The following UVRAG variants were observed in gnomAD, a reference collection of about 807,000 sequenced individuals.
UVRAG encodes the protein UV radiation resistance associated, also known as UV radiation resistance-associated gene protein.
UVRAG carries 19 observed loss-of-function variants against 78.0 expected under a neutral mutation model. The observed-to-expected ratio is 0.24, with a 90% confidence interval of 0.17 to 0.36. The LOEUF is 0.36. Among genes scored for constraint, UVRAG ranks in the 10% least tolerant of loss-of-function variants. The pLI, the probability that UVRAG is intolerant of heterozygous loss-of-function variation, is 1.00. For missense variants in UVRAG, 740 were observed against 853.8 expected (o/e 0.87, Z 1.66); for synonymous variants, 323 against 324.6 (o/e 1.00, Z 0.05).
intron 13 of UVRAG, among the ~76,000 whole-genome samples, chr11:76,067,412 A>G (rs747234897): frequency 6.6e-5 from 10 of 152,192 alleles, no homozygotes; most frequent in Non-Finnish European, 1.3e-4. Context: ...CGCTGATCAC[A>G]GTTCTGTCAT....
intron 8 of UVRAG, among the ~76,000 whole-genome samples, chr11:75,996,827 A>G (rs1949716617): frequency 6.6e-6 from 1 of 152,168 alleles, no homozygotes; most frequent in African/African-American, 2.4e-5. Flanking sequence ...GGCTTTCTAA[A>G]TACAGTTCAC....
chr11:75,956,694 A>AT (rs1293681205), intron 6 of UVRAG, among the ~76,000 whole-genome samples: 2 of 152,050 alleles, frequency 1.3e-5, no homozygotes, highest in Admixed American at 6.6e-5. Context: ...AGCCTGATAT[A>AT]TTTTTGCCAG....
At chr11:75,862,563 A>G (rs182109004) in intron 3 of UVRAG, among the ~76,000 whole-genome samples, 1 of 152,250 alleles carries the variant, frequency 6.6e-6, no homozygotes, top group Admixed American at 6.5e-5. Flanking sequence ...CAGTGCTTCA[A>G]ACACACAAAG....
chr11:76,107,548 A>G (rs551353292), intron 13 of UVRAG, among the ~76,000 whole-genome samples: 1 of 152,348 alleles, frequency 6.6e-6, no homozygotes, highest in Admixed American at 6.5e-5. Context: ...ACATTATAAC[A>G]TATCTATTTT....
At chr11:75,877,603 G>T (rs1209364734) in intron 3 of UVRAG, among the ~76,000 whole-genome samples, 5 of 140,280 alleles carry the variant, frequency 3.6e-5, no homozygotes, top group South Asian at 4.6e-4. Flanking sequence ...CTGGCCGGGC[G>T]GGGGGCTGAC....
At chr11:76,006,458 G>T (rs1410470762) in intron 9 of UVRAG, among the ~76,000 whole-genome samples, 1 of 151,838 alleles carries the variant, frequency 6.6e-6, no homozygotes, top group Non-Finnish European at 1.5e-5. Flanking sequence ...CTATGAGTTT[G>T]AGACCAGCCT....
At chr11:76,087,926 G>A (rs897064485) in intron 13 of UVRAG, among the ~76,000 whole-genome samples, 1 of 152,154 alleles carries the variant, frequency 6.6e-6, no homozygotes, top group Admixed American at 6.5e-5. Flanking sequence ...TCAGACTGGA[G>A]CGCAGTGGTG....
chr11:75,930,980 T>TTTCC (rs2135104936), intron 6 of UVRAG: 1 of 149,330 alleles, frequency 6.7e-6, no homozygotes, highest in South Asian at 2.1e-4. Context: ...TCTTTCTTTC[T>TTTCC]TTCTTTCCAT....
chr11:76,105,233 T>C (rs529342092), intron 13 of UVRAG, among the ~76,000 whole-genome samples: 19 of 152,130 alleles, frequency 1.2e-4, no homozygotes, highest in African/African-American at 4.6e-4. Context: ...GCCAAACCCC[T>C]GTTTCTACTA....
chr11:75,816,869 CT>C (rs1945272637), intron 1 of UVRAG, among the ~76,000 whole-genome samples: 1 of 152,054 alleles, frequency 6.6e-6, no homozygotes, highest in Non-Finnish European at 1.5e-5. Flanking sequence ...GAGGCGGGGG[CT>C]AAAGGGAAGA....
At chr11:76,025,304 A>G (rs1950308641) in intron 12 of UVRAG, among the ~76,000 whole-genome samples, 1 of 152,188 alleles carries the variant, frequency 6.6e-6, no homozygotes, top group Non-Finnish European at 1.5e-5. Flanking sequence ...AATGAAATTC[A>G]TTAGTCATTG....
chr11:75,847,428 A>G (rs74894660), intron 1 of UVRAG, among the ~76,000 whole-genome samples: 11,422 of 151,480 alleles, frequency 0.075, 1,402 homozygotes, highest in African/African-American at 0.26. Context: ...TGCCCAGCCC[A>G]GCTAATTTAT....
At position 76,141,142 on chromosome 11, in the gene UVRAG, G is replaced by A. The variant is rs746814936; in HGVS notation, c.1829G>A (p.Ser610Asn). ...CCCAGCGAGCAGGCCGGGTCCGCCA[G>A]TGTCCAGCTTCCAGGCGAGTTCCAC... Reference protein sequence around the residue: ...LLPSEQAGSASVQLPGEFHPV... With the variant: ...LLPSEQAGSANVQLPGEFHPV... Residue 610 changes from serine (S) to asparagine (N), a missense_variant, in exon 15 of 15, where the codon AGT becomes AAT. By Grantham distance (46) the Ser-to-Asn change is conservative. Coordinates refer to ENST00000356136, the MANE Select transcript of UVRAG (RefSeq NM_003369.4). The A allele has an allele frequency of 6.2e-7, 1 of 1,614,072 alleles. No homozygotes were observed. The highest frequency in any genetic ancestry group is 1.3e-5 in the African/African-American group (1 of 74,934).
At chr11:76,094,211 C>G in intron 13 of UVRAG, among the ~76,000 whole-genome samples, 1 of 152,188 alleles carries the variant, frequency 6.6e-6, no homozygotes, top group African/African-American at 2.4e-5. Flanking sequence ...ATGAAGCCCA[C>G]TTGATCATGG....
chr11:75,844,521 G>A (rs994371396), intron 1 of UVRAG, among the ~76,000 whole-genome samples: 2 of 151,910 alleles, frequency 1.3e-5, no homozygotes, highest in Admixed American at 6.6e-5. Flanking sequence ...CACCGTGCCC[G>A]GCCTAAAGCA....
rs10553590 is a variant in UVRAG at position 76,004,603 on chromosome 11, T to TTTCA, written c.911+552_911+555dup. On this transcript the variant is annotated intron_variant, in intron 9 of 14. Transcript: ENST00000356136. The stretch of plus-strand genomic sequence containing the variant: ...CTTCTTTTTTTAATGTGGAGAAACA[T>TTTCA]TTCATTCATTCATTCATTCATTCAT... 5.8e-3 allele frequency among the ~76,000 whole-genome samples: 856 copies of TTTCA among 148,000 alleles called. 12 individuals carry two copies. Among genetic ancestry groups the TTTCA allele is most frequent in the East Asian group, 0.017 (83 of 4,962 alleles).
chr11:76,040,266 G>A (rs1004201886), intron 12 of UVRAG, among the ~76,000 whole-genome samples: 1 of 151,986 alleles, frequency 6.6e-6, no homozygotes, highest in East Asian at 2.0e-4. Flanking sequence ...GAGGTCAGGA[G>A]ATCGAGACCA....
chr11:76,083,821 A>T (rs1951539812), intron 13 of UVRAG, among the ~76,000 whole-genome samples: 1 of 152,222 alleles, frequency 6.6e-6, no homozygotes, highest in Non-Finnish European at 1.5e-5. Flanking sequence ...TCTGAACGGA[A>T]TGTGCCTGTG....
At position 75,863,675 on chromosome 11, in the gene UVRAG, A is replaced by G. The variant is rs545056756; in HGVS notation, c.270+1895A>G. 2.0e-5 allele frequency among the ~76,000 whole-genome samples: 3 copies of G among 152,360 alleles called. No individual in the cohort carries two copies. The East Asian group carries it at 5.8e-4, about 29-fold the overall frequency. ...TTGCTTTGGAGCTATCTGTGAGGTC[A>G]TGATACCTTCATCCTTTGTGCACTT... On this transcript the variant is annotated intron_variant, in intron 3 of 14. Coordinates refer to ENST00000356136, the MANE Select transcript of UVRAG (RefSeq NM_003369.4).
Sources: allele counts gnomAD v4.1 joint callset (sites outside exome capture counted in the v4.1 genomes callset), GRCh38; gene constraint gnomAD v4.1.1; transcripts MANE v1.5; gene names NCBI Gene and HGNC (gene_info 2026-07-23, HGNC 2026-07-21).